C11orf52: variants seen among roughly 807,000 people sequenced by gnomAD.
C11orf52 encodes the protein uncharacterized protein C11orf52.
A neutral mutation model predicts 11.7 loss-of-function variants in C11orf52; 9 were observed. That is an observed-to-expected ratio of 0.77 (90% confidence interval 0.46 to 1.34). The LOEUF is 1.34. C11orf52 is among the 40% of genes most tolerant of loss of function. C11orf52 has a pLI of 0.00. For missense variants in C11orf52, 139 were observed against 154.8 expected (o/e 0.90, Z 0.54); for synonymous variants, 49 against 57.4 (o/e 0.85, Z 0.66).
intron 1 of C11orf52, chr11:111,924,125 C>T (rs1965747230): frequency 3.8e-6 from 2 of 525,390 alleles, no homozygotes; most frequent in East Asian, 2.9e-5. Context: ...TACTACTCCA[C>T]CTTCCAGAAC....
At position 111,926,097 on chromosome 11, in the gene C11orf52, G is replaced by A. The variant is rs140817825; in HGVS notation, c.270G>A (p.Arg90=). The change falls in exon 4 of 4, where the codon CGG becomes CGA. Residue 90 remains arginine (R), a synonymous_variant. Transcript: ENST00000278601. The part of the protein sequence containing the change: ...DIQVCSRPHA[R]EVKHVHLENA... ...AAGTGTGCAGCCGTCCCCATGCCCG[G>A]GAAGTGAAACACGTGCATTTAGAAA... 2 of 1,614,244 alleles carry A rather than the reference G, an allele frequency of 1.2e-6. No individual in the cohort carries two copies. The highest frequency in any genetic ancestry group is 2.7e-5 in the African/African-American group (2 of 75,058).
chr11:111,925,827 C>G, intron 3 of C11orf52, 113 bp downstream of exon 3: 2 of 1,563,912 alleles, frequency 1.3e-6, no homozygotes, highest in Non-Finnish European at 1.7e-6. Flanking sequence ...TTTGCTGGCT[C>G]TGTCTGTCCT....
chr11:111,926,401 TTAGCTATGGGTGGA>T lies in C11orf52; in HGVS notation c.*209_*222del. 1 of 757,384 alleles carries T rather than the reference TTAGCTATGGGTGGA, an allele frequency of 1.3e-6. No homozygotes were observed. Among genetic ancestry groups the T allele is most frequent in the African/African-American group, 1.8e-5 (1 of 56,774 alleles). 46.9% of individuals were successfully genotyped at this position (757,384 alleles called of 1,614,324 possible). On this transcript the variant is annotated 3_prime_UTR_variant, in exon 4 of 4. Coordinates refer to ENST00000278601, the MANE Select transcript of C11orf52 (RefSeq NM_080659.3). ...TGTTAGGTTGGAGTTAATAGTTGGT[TTAGCTATGGGTGGA>T]TAGCTAAACTTAGCTATCCACATGA...
chr11:111,926,102 T>A lies in C11orf52; in HGVS notation c.275T>A (p.Val92Glu). ...QVCSRPHARE[V>E]KHVHLENATE... The stretch of plus-strand genomic sequence containing the variant: ...TGCAGCCGTCCCCATGCCCGGGAAG[T>A]GAAACACGTGCATTTAGAAAACGCT... Residue 92 changes from valine to glutamate, a missense_variant, in exon 4 of 4, where the codon GTG becomes GAG. By Grantham distance (121) the Val-to-Glu change is moderately radical. Transcript: ENST00000278601. 1 of 1,614,234 alleles carries A rather than the reference T, an allele frequency of 6.2e-7. No individual in the cohort carries two copies. Among genetic ancestry groups the A allele is most frequent in the Non-Finnish European group, 8.5e-7 (1 of 1,180,038 alleles).
intron 1 of C11orf52, among the ~76,000 whole-genome samples, chr11:111,923,147 A>G (rs1343334371): frequency 4.1e-4 from 63 of 152,216 alleles, no homozygotes; most frequent in Admixed American, 4.1e-3. Context: ...GAATTAGAAG[A>G]TTATCTCGTT....
In C11orf52 at chr11:111,926,340, G is replaced by T; in HGVS notation, c.*141G>T. On this transcript the variant is annotated 3_prime_UTR_variant, in exon 4 of 4. Coordinates refer to ENST00000278601, the MANE Select transcript of C11orf52 (RefSeq NM_080659.3). ...AACTCCAAAGCCCCTGGAATTGTGGGCGTCCCATTTTCTCCCCTGGCCTCT... is the reference window on the plus strand; with the variant it reads ...AACTCCAAAGCCCCTGGAATTGTGGTCGTCCCATTTTCTCCCCTGGCCTCT... 7.5e-7 allele frequency: 1 copy of T among 1,334,992 alleles called. No individual in the cohort carries two copies. Among genetic ancestry groups the T allele is most frequent in the Non-Finnish European group, 1.0e-6 (1 of 986,156 alleles). 82.7% of individuals were successfully genotyped at this position (1,334,992 alleles called of 1,614,324 possible).
In C11orf52 at chr11:111,922,212, C is replaced by T. The variant is rs996510767; in HGVS notation, c.33-2114C>T. On this transcript the variant is annotated intron_variant, in intron 1 of 3. Transcript: ENST00000278601. ...GCTGAAGTTCTCACAGCTATTCTGA[C>T]CTCATCAGTCTGACTCTAGAGCCCA... Among the ~76,000 whole-genome samples the T allele has an allele frequency of 2.0e-5, 3 of 152,178 alleles. No individual in the cohort carries two copies. In the South Asian group the frequency reaches 6.2e-4, roughly 31 times the overall value.
At chr11:111,920,793 A>G (rs1463589341) in intron 1 of C11orf52, among the ~76,000 whole-genome samples, 1 of 152,150 alleles carries the variant, frequency 6.6e-6, no homozygotes, top group Non-Finnish European at 1.5e-5. Context: ...AAAGGGCAGA[A>G]GTAGGAAAAA....
At chr11:111,923,234 G>A (rs1474740138) in intron 1 of C11orf52, among the ~76,000 whole-genome samples, 20 of 152,242 alleles carry the variant, frequency 1.3e-4, no homozygotes, top group Admixed American at 1.1e-3. Context: ...AAACACAGGA[G>A]TAGTTTTTCT....
At chr11:111,924,299 A>G in intron 1 of C11orf52, 27 bp from the exon 2 acceptor site, 1 of 1,611,286 alleles carries the variant, frequency 6.2e-7, no homozygotes, top group Non-Finnish European at 8.5e-7. Context: ...GCTCTTGCAC[A>G]TGGGTGATCT....
intron 2 of C11orf52, among the ~76,000 whole-genome samples, chr11:111,924,847 G>A (rs1407473944): frequency 6.6e-6 from 1 of 152,204 alleles, no homozygotes; most frequent in Non-Finnish European, 1.5e-5. Flanking sequence ...AAAGGGCCAG[G>A]CGTAGTGCCT....
rs2137406098 is a variant in C11orf52 at position 111,925,711 on chromosome 11, A to G, written c.129A>G (p.Pro43=). ...CACAACAGCTGCAGCAGAATCTCCC[A>G]AAGGTAATGACAGGTCTCTGTCCCC... ...PQPQQLQQNL[P]KGHETTGHTY... is the part of the protein sequence containing the mutation. Residue 43 remains proline (P), a synonymous_variant, in exon 3 of 4, where the codon CCA becomes CCG. Coordinates refer to ENST00000278601, the MANE Select transcript of C11orf52 (RefSeq NM_080659.3). 1 of 1,614,244 alleles carries G rather than the reference A, an allele frequency of 6.2e-7. No homozygotes were observed. The highest frequency in any genetic ancestry group is 1.1e-5 in the South Asian group (1 of 91,082).
chr11:111,920,055 C>T (rs781795382), intron 1 of C11orf52, among the ~76,000 whole-genome samples: 12 of 151,820 alleles, frequency 7.9e-5, no homozygotes, highest in Admixed American at 1.3e-4. Context: ...ATTAGCCGGG[C>T]GTGGTGGTGG....
In C11orf52 at chr11:111,924,361, C is replaced by T. The variant is rs7124407; in HGVS notation, c.68C>T (p.Thr23Ile). 1 of 1,612,048 alleles carries T rather than the reference C, an allele frequency of 6.2e-7. No homozygotes were observed. Among genetic ancestry groups the T allele is most frequent in the African/African-American group, 1.3e-5 (1 of 74,864 alleles). Residue 23 changes from threonine to isoleucine, a missense_variant and splice_region_variant, in exon 2 of 4, where the codon ACA (threonine) becomes ATA (isoleucine). Physicochemically the swap from Thr to Ile is moderately conservative, Grantham distance 89. Transcript: ENST00000278601. ...TCAACTTTCCAGAAGAAAAAGAAAACAGGTAACTTTGGGGCTGGGGGAGGG... is the reference window on the plus strand; with the variant it reads ...TCAACTTTCCAGAAGAAAAAGAAAATAGGTAACTTTGGGGCTGGGGGAGGG... Reference protein sequence around the residue: ...CPSTFQKKKKTGSQTRRTLKP... With the variant: ...CPSTFQKKKKIGSQTRRTLKP...
At position 111,925,822 on chromosome 11, in the gene C11orf52, T is replaced by G; in HGVS notation, c.132+108T>G. On this transcript the variant is annotated intron_variant, in intron 3 of 3. Transcript: ENST00000278601. The stretch of plus-strand genomic sequence containing the variant: ...CATTTCAGTCACCTGTAGAATTTGC[T>G]GGCTCTGTCTGTCCTCCTCTGTCTG... 3.2e-6 allele frequency: 5 copies of G among 1,563,304 alleles called. No homozygotes were observed. In the South Asian group the frequency reaches 3.4e-5, roughly 11 times the overall value.
intron 1 of C11orf52, among the ~76,000 whole-genome samples, chr11:111,923,453 G>T (rs373506358): frequency 3.3e-5 from 5 of 152,338 alleles, no homozygotes; most frequent in African/African-American, 7.2e-5. Flanking sequence ...CCTCCCAGGA[G>T]ATGAGAGATC....
chr11:111,926,458 A>T lies in C11orf52; in HGVS notation c.*259A>T. Reference sequence around the variant, plus strand: ...CCACATGAGGTTAGGTGGAGTGTGCAGGGAGGTAGGTCTTCGACCCCACCA... The same window carrying T: ...CCACATGAGGTTAGGTGGAGTGTGCTGGGAGGTAGGTCTTCGACCCCACCA... On this transcript the variant is annotated 3_prime_UTR_variant, in exon 4 of 4. Transcript: ENST00000278601. The T allele has an allele frequency of 7.3e-6, 4 of 549,164 alleles. No individual in the cohort carries two copies. Among genetic ancestry groups the T allele is most frequent in the Non-Finnish European group, 1.3e-5 (4 of 308,306 alleles). The allele number at this position is 549,164 out of a possible 1,614,324, so 34.0% of individuals were successfully genotyped here.
intron 2 of C11orf52, among the ~76,000 whole-genome samples, chr11:111,925,372 A>G (rs1322311837): frequency 1.3e-5 from 2 of 151,822 alleles, no homozygotes; most frequent in African/African-American, 4.9e-5. Context: ...CCCCCAGAAC[A>G]TGGCACAGAG....
rs1965802433 is a variant in C11orf52, at chr11:111,926,134, T to G, written c.307T>G (p.Tyr103Asp). 6.2e-7 allele frequency: 1 copy of G among 1,613,954 alleles called. No individual in the cohort carries two copies. The highest frequency in any genetic ancestry group is 1.3e-5 in the African/African-American group (1 of 74,864). The change falls in exon 4 of 4, where the codon TAT (tyrosine) becomes GAT (aspartate). Residue 103 changes from tyrosine to aspartate, a missense_variant. Physicochemically the swap from Tyr to Asp is radical, Grantham distance 160. Coordinates refer to ENST00000278601, the MANE Select transcript of C11orf52 (RefSeq NM_080659.3). ...KHVHLENATE[Y>D]ATLRFPQATP... ...CGTGCATTTAGAAAACGCTACAGAG[T>G]ATGCGACCCTTCGCTTCCCCCAGGC...
Sources: gnomAD v4.1 joint callset for allele counts (sites outside exome capture counted in the v4.1 genomes callset) on GRCh38, gnomAD v4.1.1 for gene constraint, MANE v1.5 for transcripts, NCBI Gene and HGNC (gene_info 2026-07-23, HGNC 2026-07-21) for gene names.